Variants in TMEM74 observed in about 807,000 individuals in gnomAD.
TMEM74 encodes transmembrane protein 74.
A neutral mutation model predicts 18.1 loss-of-function variants in TMEM74; 13 were observed. The observed-to-expected ratio is 0.72, with a 90% CI of 0.47 to 1.14. The LOEUF is 1.14. Ranked by LOEUF, TMEM74 falls within the 50% of genes most tolerant of loss-of-function variation. The probability of loss-of-function intolerance (pLI) is 0.00; values close to 1 mark genes in which losing one functional copy is unlikely to be tolerated. For missense variants in TMEM74, 372 were observed against 375.9 expected (o/e 0.99, Z 0.09); for synonymous variants, 159 against 146.6 (o/e 1.08, Z -0.61).
At chr8:108,654,200 C>T (rs1279769146) in intron 2 of TMEM74, among the ~76,000 whole-genome samples, 1 of 152,086 alleles carries the variant, frequency 6.6e-6, no homozygotes, top group Non-Finnish European at 1.5e-5. Flanking sequence ...AGGATAAAGG[C>T]AGCAGAGGAA....
chr8:108,787,550 A>G lies in TMEM74; in HGVS notation c.-114T>C, dbSNP rs73313578. 11,860 of 151,842 alleles carry G rather than the reference A, an allele frequency of 0.078. 679 individuals are homozygous for G. Among genetic ancestry groups the G allele is most frequent in the East Asian group, 0.16 (806 of 5,082 alleles). 9.4% of individuals were successfully genotyped at this position (151,842 alleles called of 1,614,324 possible). On this transcript the variant is annotated 5_prime_UTR_variant, in exon 1 of 2. Transcript: ENST00000297459. ...CACGGTTCCCGGAGAAAGTCCCCCA[A>G]TCACCAGCTACGGCACTTGTAGCCT...
At chr8:108,711,585 G>T (rs998732147) in intron 1 of TMEM74, among the ~76,000 whole-genome samples, 1 of 152,192 alleles carries the variant, frequency 6.6e-6, no homozygotes, top group Non-Finnish European at 1.5e-5. Context: ...CCTTGTGAAG[G>T]AGAGAAGAAA....
At chr8:108,776,613 CAA>C, downstream of TMEM74, among the ~76,000 whole-genome samples, 1 of 152,246 alleles carries the variant, frequency 6.6e-6, no homozygotes, top group East Asian at 1.9e-4. Flanking sequence ...CACAATTAAA[CAA>C]AAGACTGTTT....
intron 1 of TMEM74, among the ~76,000 whole-genome samples, chr8:108,756,588 GAAAGAAAGAGA>G (rs1307520046): frequency 3.1e-3 from 321 of 103,568 alleles, no homozygotes; most frequent in African/African-American, 6.5e-3. Flanking sequence ...AAGAAAGAAA[GAAAGAAAGAGA>G]AAGGAAGGAA....
chr8:108,719,988 T>C (rs79655569), intron 1 of TMEM74, among the ~76,000 whole-genome samples: 2,712 of 152,272 alleles, frequency 0.018, 87 homozygotes, highest in African/African-American at 0.063. Flanking sequence ...TAATTGAGTT[T>C]CTACATTTTT....
intron 2 of TMEM74, among the ~76,000 whole-genome samples, chr8:108,624,642 A>G (rs931117314): frequency 6.6e-6 from 1 of 152,072 alleles, no homozygotes; most frequent in Admixed American, 6.6e-5. Context: ...ACTCTATTTT[A>G]TATCTTTCAT....
chr8:108,612,801 CA>C (rs1179646876), intron 2 of TMEM74, among the ~76,000 whole-genome samples: 2 of 152,142 alleles, frequency 1.3e-5, no homozygotes, highest in Non-Finnish European at 2.9e-5. Context: ...GTTTCTTCTT[CA>C]AGTTGAAGAA....
chr8:108,632,431 T>C (rs1341739135), intron 2 of TMEM74, among the ~76,000 whole-genome samples: 1 of 151,990 alleles, frequency 6.6e-6, no homozygotes, highest in South Asian at 2.1e-4. Context: ...TGTTTACCAA[T>C]GACAATGCAT....
chr8:108,694,075 T>C (rs1813257515), intron 1 of TMEM74, among the ~76,000 whole-genome samples: 2 of 152,274 alleles, frequency 1.3e-5, no homozygotes, highest in Admixed American at 6.5e-5. Context: ...GAATGTATAG[T>C]GGTGAAGTCA....
At chr8:108,612,405 C>T (rs899279035) in intron 2 of TMEM74, among the ~76,000 whole-genome samples, 1 of 151,868 alleles carries the variant, frequency 6.6e-6, no homozygotes, top group African/African-American at 2.4e-5. Flanking sequence ...TATTTGATAA[C>T]CAAATATTAA....
chr8:108,695,453 AT>A (rs1813272684), intron 1 of TMEM74, among the ~76,000 whole-genome samples: 1 of 152,144 alleles, frequency 6.6e-6, no homozygotes. Context: ...TGGATTGGAC[AT>A]TTTACCAGCA....
intron 1 of TMEM74, among the ~76,000 whole-genome samples, chr8:108,725,878 A>T (rs1037031767): frequency 4.6e-5 from 7 of 152,186 alleles, no homozygotes; most frequent in Non-Finnish European, 7.4e-5. Context: ...TACTCAAAGG[A>T]TAATGTAACA....
At chr8:108,700,809 C>T (rs1173729134) in intron 1 of TMEM74, among the ~76,000 whole-genome samples, 1 of 152,126 alleles carries the variant, frequency 6.6e-6, no homozygotes, top group African/African-American at 2.4e-5. Flanking sequence ...CCCAGGTTTA[C>T]ACAGCTGGAG....
chr8:108,635,721 T>A (rs1812600852), intron 2 of TMEM74, among the ~76,000 whole-genome samples: 1 of 152,036 alleles, frequency 6.6e-6, no homozygotes, highest in Admixed American at 6.6e-5. Flanking sequence ...TCATGAAGAT[T>A]TCTCTGACTA....
At chr8:108,734,772 C>T (rs924514855) in intron 1 of TMEM74, among the ~76,000 whole-genome samples, 1 of 152,110 alleles carries the variant, frequency 6.6e-6, no homozygotes, top group East Asian at 1.9e-4. Flanking sequence ...TCAATTCAAC[C>T]GGGGACACTT....
At chr8:108,776,728 CATGATGATGATGATG>C (rs71305917), downstream of TMEM74, among the ~76,000 whole-genome samples, 7 of 147,896 alleles carry the variant, frequency 4.7e-5, no homozygotes, top group African/African-American at 1.8e-4. Flanking sequence ...GCAGTTTCCA[CATGATGATGATGATG>C]ATGATGATGA....
chr8:108,744,623 T>G (rs776268859), intron 1 of TMEM74, among the ~76,000 whole-genome samples: 3 of 152,194 alleles, frequency 2.0e-5, no homozygotes, highest in Admixed American at 6.5e-5. Context: ...AAGTCAATTA[T>G]GCAGATGTCT....
At chr8:108,747,568 T>C (rs1048175515) in intron 1 of TMEM74, among the ~76,000 whole-genome samples, 2 of 151,982 alleles carry the variant, frequency 1.3e-5, no homozygotes, top group African/African-American at 4.8e-5. Flanking sequence ...TTTTTTAAAT[T>C]GGCAACTTTT....
intron 2 of TMEM74, among the ~76,000 whole-genome samples, chr8:108,630,079 T>G (rs1308915726): frequency 6.6e-6 from 1 of 151,992 alleles, no homozygotes; most frequent in African/African-American, 2.4e-5. Context: ...TGTGCTGTAT[T>G]CAGGATATCC....
Sources: allele counts gnomAD v4.1 joint callset (sites outside exome capture counted in the v4.1 genomes callset), GRCh38; gene constraint gnomAD v4.1.1; transcripts MANE v1.5; gene names NCBI Gene and HGNC (gene_info 2026-07-23, HGNC 2026-07-21).